Variants in MPPED2 observed in about 807,000 individuals in gnomAD.
The protein encoded by MPPED2 is metallophosphoesterase domain containing 2.
Under a neutral mutation model 33.0 loss-of-function variants are expected in MPPED2, and 5 were observed. The ratio of observed to expected loss-of-function variants is 0.15; its 90% CI spans 0.08 to 0.32. The LOEUF (loss-of-function observed/expected upper bound fraction) is 0.32. Ranked by LOEUF, MPPED2 falls within the 10% of genes least tolerant of loss-of-function variation. MPPED2 has a pLI of 1.00. For synonymous variants in MPPED2, 136 were observed against 141.9 expected (o/e 0.96, Z 0.29); for missense variants, 275 against 372.1 (o/e 0.74, Z 2.15).
At chr11:30,549,697 G>A (rs1479729231) in intron 2 of MPPED2, among the ~76,000 whole-genome samples, 2 of 152,156 alleles carry the variant, frequency 1.3e-5, no homozygotes, top group Non-Finnish European at 2.9e-5. Context: ...GGTACTCCCT[G>A]TGCCCTACTA....
chr11:30,582,317 T>C (rs1472907475), intron 1 of MPPED2, among the ~76,000 whole-genome samples: 1 of 152,154 alleles, frequency 6.6e-6, no homozygotes, highest in Admixed American at 6.5e-5. Context: ...ATGTTAGCCA[T>C]CAAAGCACAG....
intron 5 of MPPED2, among the ~76,000 whole-genome samples, chr11:30,415,185 C>T (rs1406994827): frequency 6.6e-6 from 1 of 152,160 alleles, no homozygotes; most frequent in Non-Finnish European, 1.5e-5. Flanking sequence ...CAGTAAGGAA[C>T]AGCTTTCTGC....
chr11:30,507,451 G>A (rs918440420), intron 3 of MPPED2, among the ~76,000 whole-genome samples: 13 of 152,138 alleles, frequency 8.5e-5, no homozygotes, highest in African/African-American at 1.9e-4. Flanking sequence ...TAATATCCAC[G>A]CTGGACAGGA....
intron 4 of MPPED2, among the ~76,000 whole-genome samples, chr11:30,424,964 C>A (rs1008057165): frequency 6.6e-6 from 1 of 152,236 alleles, no homozygotes; most frequent in African/African-American, 2.4e-5. Flanking sequence ...AAACCACCAG[C>A]CCAGCTGCCT....
intron 1 of MPPED2, among the ~76,000 whole-genome samples, chr11:30,585,519 G>A (rs1957422284): frequency 6.6e-6 from 1 of 152,084 alleles, no homozygotes; most frequent in Non-Finnish European, 1.5e-5. Context: ...CCAGGCCTAG[G>A]CCGGGGCGGC....
intron 2 of MPPED2, among the ~76,000 whole-genome samples, chr11:30,540,873 G>A (rs1453752518): frequency 6.6e-6 from 1 of 152,148 alleles, no homozygotes; most frequent in African/African-American, 2.4e-5. Context: ...CACTCTAGTG[G>A]AGTAGCTACA....
intron 4 of MPPED2, among the ~76,000 whole-genome samples, chr11:30,438,285 A>G (rs944957502): frequency 9.9e-5 from 15 of 152,178 alleles, no homozygotes; most frequent in African/African-American, 3.6e-4. Context: ...GCTTCCATTT[A>G]TTATTTCATT....
chr11:30,447,096 C>T (rs1244825936), intron 4 of MPPED2, among the ~76,000 whole-genome samples: 2 of 152,160 alleles, frequency 1.3e-5, no homozygotes, highest in African/African-American at 4.8e-5. Flanking sequence ...GCTGCATAAA[C>T]GAGAGATCAT....
intron 6 of MPPED2, among the ~76,000 whole-genome samples, chr11:30,395,495 A>G (rs1565031289): frequency 6.6e-6 from 1 of 152,210 alleles, no homozygotes; most frequent in Non-Finnish European, 1.5e-5. Context: ...GATATGGAGT[A>G]GACCTAAGAA....
intron 2 of MPPED2, among the ~76,000 whole-genome samples, chr11:30,575,492 G>A (rs1160427654): frequency 6.6e-6 from 1 of 152,174 alleles, no homozygotes. Context: ...GCCAGTAACT[G>A]GCAGGATCAG....
At chr11:30,497,620 G>A (rs1320441357) in intron 3 of MPPED2, among the ~76,000 whole-genome samples, 2 of 152,114 alleles carry the variant, frequency 1.3e-5, no homozygotes, top group Non-Finnish European at 2.9e-5. Flanking sequence ...TCGTTTTAGG[G>A]CTCGGGTTCA....
chr11:30,477,058 A>G (rs565459358), intron 4 of MPPED2, among the ~76,000 whole-genome samples: 2 of 152,248 alleles, frequency 1.3e-5, no homozygotes, highest in South Asian at 4.1e-4. Flanking sequence ...TGGTTTTTGT[A>G]TCTTAATCCT....
chr11:30,451,351 G>T lies in MPPED2; in HGVS notation c.537-33718C>A, dbSNP rs1590323858. Among the ~76,000 whole-genome samples, 5 of 152,312 alleles carry T rather than the reference G, an allele frequency of 3.3e-5. No homozygotes were observed. The South Asian group carries it at 8.3e-4, about 25-fold the overall frequency. On this transcript the variant is annotated intron_variant, in intron 4 of 6. Coordinates refer to ENST00000358117, the MANE Select transcript of MPPED2 (RefSeq NM_001584.3). Reference sequence around the variant, plus strand: ...CCCCTCTTGTCTAAGGACCTTGGCTGTCAAGACTTAGAAATGCAATTCCCA... The same window carrying T: ...CCCCTCTTGTCTAAGGACCTTGGCTTTCAAGACTTAGAAATGCAATTCCCA...
Position 30,414,249 on chromosome 11 carries a change from C to T in MPPED2, c.745G>A (p.Val249Met). Residue 249 changes from valine to methionine, a missense_variant, in exon 6 of 7, where the codon GTG becomes ATG. By Grantham distance (21) the Val-to-Met change is conservative. Transcript: ENST00000358117. ...TTACCTTCATGGATTCCACCAAACA[C>T]ATGGAGCTTGGGCCGGACTCGCCTC... Reference protein sequence around the residue: ...VQRRVRPKLHVFGGIHEGYGI... With the variant: ...VQRRVRPKLHMFGGIHEGYGI... 2 of 1,613,658 alleles carry T rather than the reference C, an allele frequency of 1.2e-6. No individual in the cohort carries two copies. Among genetic ancestry groups the T allele is most frequent in the Middle Eastern group, 1.6e-4 (1 of 6,062 alleles).
chr11:30,581,103 G>T (rs1394557887), intron 1 of MPPED2, among the ~76,000 whole-genome samples: 2 of 152,098 alleles, frequency 1.3e-5, no homozygotes, highest in Non-Finnish European at 2.9e-5. Flanking sequence ...GAACCTTATG[G>T]TAAGGCAAAT....
chr11:30,530,590 G>A lies in MPPED2; in HGVS notation c.310+5404C>T, dbSNP rs554506252. ...GGTCATTCCAGGAAGTGGGAACAGC[G>A]TTTTCAAAGGGAAAGAGGTGTGAAG... On this transcript the variant is annotated intron_variant, in intron 3 of 6. Transcript: ENST00000358117. Among the ~76,000 whole-genome samples, 310 of 152,288 alleles carry A rather than the reference G, an allele frequency of 2.0e-3. 1 individual carries two copies. The highest frequency in any genetic ancestry group is 2.3e-3 in the Non-Finnish European group (154 of 68,016).
chr11:30,420,826 T>TA (rs1336254834), intron 4 of MPPED2, among the ~76,000 whole-genome samples: 12 of 152,302 alleles, frequency 7.9e-5, no homozygotes, highest in Middle Eastern at 3.4e-3. Context: ...TATTAGAGTC[T>TA]AAAATACAGC....
chr11:30,495,053 G>A, intron 4 of MPPED2: 1 of 476,308 alleles, frequency 2.1e-6, no homozygotes, highest in Non-Finnish European at 3.7e-6. Context: ...CACTGAGGGA[G>A]GCATGACTGT....
At chr11:30,519,795 C>A (rs1230468175) in intron 3 of MPPED2, among the ~76,000 whole-genome samples, 1 of 152,048 alleles carries the variant, frequency 6.6e-6, no homozygotes, top group East Asian at 1.9e-4. Context: ...TCACCATCAC[C>A]ACCACTAACA....
Sources: allele counts gnomAD v4.1 joint callset (sites outside exome capture counted in the v4.1 genomes callset), GRCh38; gene constraint gnomAD v4.1.1; transcripts MANE v1.5; gene names NCBI Gene and HGNC (gene_info 2026-07-23, HGNC 2026-07-21).